RANBP17: variants seen among roughly 807,000 people sequenced by gnomAD.
RANBP17 encodes RAN binding protein 17, also known as ran-binding protein 17.
A neutral mutation model predicts 141.2 loss-of-function variants in RANBP17; 158 were observed. The observed-to-expected ratio is 1.12, with a 90% CI of 0.98 to 1.28. The LOEUF (loss-of-function observed/expected upper bound fraction) is 1.28, where lower values mean the gene tolerates loss of function less well. Among genes scored for constraint, RANBP17 ranks in the 50% most tolerant of loss-of-function variants. The probability of loss-of-function intolerance (pLI) is 0.00; values close to 1 mark genes in which losing one functional copy is unlikely to be tolerated. For synonymous variants in RANBP17, 430 were observed against 450.0 expected (o/e 0.96, Z 0.56); for missense variants, 1,438 against 1,290.7 (o/e 1.11, Z -1.75).
At chr5:171,144,323 GC>G (rs1306052982) in intron 14 of RANBP17, among the ~76,000 whole-genome samples, 1 of 151,852 alleles carries the variant, frequency 6.6e-6, no homozygotes, top group Non-Finnish European at 1.5e-5. Flanking sequence ...CCAAAATCAT[GC>G]CGCTGCCCTT....
chr5:171,040,135 A>G (rs1267915708), intron 14 of RANBP17, among the ~76,000 whole-genome samples: 1 of 152,168 alleles, frequency 6.6e-6, no homozygotes, highest in East Asian at 1.9e-4. Context: ...AATACTAGCA[A>G]TCCACATCTA....
At chr5:170,973,984 G>A (rs1158274814) in intron 14 of RANBP17, among the ~76,000 whole-genome samples, 1 of 152,112 alleles carries the variant, frequency 6.6e-6, no homozygotes, top group South Asian at 2.1e-4. Context: ...TTCAACATAC[G>A]ATTTTGTCAG....
intron 21 of RANBP17, among the ~76,000 whole-genome samples, chr5:171,214,456 C>A (rs536691927): frequency 4.1e-4 from 63 of 152,134 alleles, no homozygotes; most frequent in Non-Finnish European, 8.1e-4. Flanking sequence ...TGGCTTAGCA[C>A]CAAATTACAT....
At chr5:171,251,760 C>A in intron 24 of RANBP17, 1 of 924,936 alleles carries the variant, frequency 1.1e-6, no homozygotes, top group Non-Finnish European at 1.7e-6. Context: ...CGTTCCCCTC[C>A]TCCCGCGCCC....
At chr5:170,984,286 A>G (rs1186508567) in intron 14 of RANBP17, among the ~76,000 whole-genome samples, 6 of 152,146 alleles carry the variant, frequency 3.9e-5, no homozygotes, top group African/African-American at 1.2e-4. Flanking sequence ...TTAGTAACAT[A>G]TAATTAAAGT....
At chr5:171,023,061 C>T (rs970326819) in intron 14 of RANBP17, among the ~76,000 whole-genome samples, 2 of 152,234 alleles carry the variant, frequency 1.3e-5, no homozygotes, top group Non-Finnish European at 2.9e-5. Flanking sequence ...TGGGCCACTA[C>T]ACCACATTGT....
At chr5:170,970,067 T>A (rs1581269050) in intron 14 of RANBP17, among the ~76,000 whole-genome samples, 1 of 152,036 alleles carries the variant, frequency 6.6e-6, no homozygotes. Context: ...TCCTAGGTAC[T>A]CTTCATGCTA....
At chr5:170,886,462 C>T (rs1170913772) in intron 3 of RANBP17, among the ~76,000 whole-genome samples, 1 of 152,046 alleles carries the variant, frequency 6.6e-6, no homozygotes, top group Non-Finnish European at 1.5e-5. Flanking sequence ...ATAAACCTGA[C>T]TACATAAACC....
chr5:170,967,849 G>C (rs1339306947), intron 13 of RANBP17, among the ~76,000 whole-genome samples: 3 of 151,344 alleles, frequency 2.0e-5, no homozygotes, highest in South Asian at 2.1e-4. Flanking sequence ...TAAGTAAAAA[G>C]GTGAAATACA....
At chr5:170,981,101 TC>T (rs142885970) in intron 14 of RANBP17, among the ~76,000 whole-genome samples, 93,201 of 152,018 alleles carry the variant, frequency 0.61, 29,946 homozygotes, top group South Asian at 0.89. Flanking sequence ...GGGGCATGTA[TC>T]CCCCTTTGTT....
In RANBP17 at chr5:171,243,200, C is replaced by G. The variant is rs1433927056; in HGVS notation, c.2776+380C>G. 1.2e-5 allele frequency: 2 copies of G among 170,010 alleles called. 1 individual carries two copies. The highest frequency in any genetic ancestry group is 2.5e-5 in the Non-Finnish European group (2 of 81,000). The allele number at this position is 170,010 out of a possible 1,614,324, so 10.5% of individuals were successfully genotyped here. On this transcript the variant is annotated intron_variant, in intron 24 of 27. Coordinates refer to ENST00000523189, the MANE Select transcript of RANBP17 (RefSeq NM_022897.5). ...CTTCTAATCAATCCCTTCCCCCTAC[C>G]TCTCACCCCAGGAAACTAATGCTTT...
intron 25 of RANBP17, among the ~76,000 whole-genome samples, chr5:171,272,518 CA>C (rs199945644): frequency 6.7e-5 from 10 of 148,950 alleles, no homozygotes; most frequent in African/African-American, 1.5e-4. Context: ...AACTGAGGCA[CA>C]AAAAAAAATA....
In RANBP17 at chr5:171,137,600, GTGTGTC is replaced by G. The variant is rs1272058443; in HGVS notation, c.1711-32524_1711-32519del. On this transcript the variant is annotated intron_variant, in intron 14 of 27. Coordinates refer to ENST00000523189, the MANE Select transcript of RANBP17 (RefSeq NM_022897.5). ...TGTGTGTGTGTGTGTGTGTGTGTGT[GTGTGTC>G]TGTGTGTGTGTGTGTGTGTCTGTGT... Among the ~76,000 whole-genome samples the G allele has an allele frequency of 2.3e-3, 329 of 143,478 alleles. 1 individual carries two copies. Among genetic ancestry groups the G allele is most frequent in the African/African-American group, 8.7e-3 (310 of 35,724 alleles). The allele number at this position is 143,478 out of a possible 152,430, so 94.1% of individuals were successfully genotyped here. A position where few individuals can be genotyped will look rare whatever the true frequency, so the allele number is the denominator to read the frequency against.
At chr5:170,964,114 C>T (rs571084791) in intron 13 of RANBP17, among the ~76,000 whole-genome samples, 2 of 152,074 alleles carry the variant, frequency 1.3e-5, no homozygotes, top group East Asian at 3.9e-4. Flanking sequence ...TATAGACACT[C>T]TTATGGAGTG....
chr5:171,208,726 T>A (rs1762715690), intron 20 of RANBP17, among the ~76,000 whole-genome samples: 1 of 152,184 alleles, frequency 6.6e-6, no homozygotes, highest in Non-Finnish European at 1.5e-5. Flanking sequence ...CCACTTAAAC[T>A]GTGGGTCTTG....
intron 1 of RANBP17, chr5:170,867,241 C>T (rs778597076): frequency 6.6e-6 from 1 of 152,012 alleles, no homozygotes; most frequent in Non-Finnish European, 1.5e-5. Flanking sequence ...TATTTGGGGT[C>T]TGTAGACTTG....
At position 171,135,779 on chromosome 5, in the gene RANBP17, TC is replaced by T. The variant is rs1376662917; in HGVS notation, c.1711-34350del. 4.6e-5 allele frequency among the ~76,000 whole-genome samples: 7 copies of T among 152,288 alleles called. No individual in the cohort carries two copies. The East Asian group carries it at 7.7e-4, about 17-fold the overall frequency. On this transcript the variant is annotated intron_variant, in intron 14 of 27. Coordinates refer to ENST00000523189, the MANE Select transcript of RANBP17 (RefSeq NM_022897.5). ...CCGTATATTGAATTCTTTGATCATT[TC>T]TCCTGGGTGGATTGGGAAAGAAGTC...
intron 14 of RANBP17, among the ~76,000 whole-genome samples, chr5:171,089,039 C>T (rs1194587588): frequency 6.6e-6 from 1 of 151,900 alleles, no homozygotes; most frequent in Non-Finnish European, 1.5e-5. Context: ...GAGAGGTGCT[C>T]TGCGTTTTAG....
At chr5:171,105,439 G>A (rs1295921006) in intron 14 of RANBP17, among the ~76,000 whole-genome samples, 2 of 148,142 alleles carry the variant, frequency 1.4e-5, no homozygotes, top group Non-Finnish European at 3.0e-5. Flanking sequence ...GCTCACACCT[G>A]TAATCCCCAA....
Sources: allele counts gnomAD v4.1 joint callset (sites outside exome capture counted in the v4.1 genomes callset), GRCh38; gene constraint gnomAD v4.1.1; transcripts MANE v1.5; gene names NCBI Gene and HGNC (gene_info 2026-07-23, HGNC 2026-07-21).